Variants in DPYS observed in about 807,000 individuals in gnomAD.
The protein encoded by DPYS is dihydropyrimidine amidohydrolase.
A neutral mutation model predicts 50.3 loss-of-function variants in DPYS; 39 were observed. The observed-to-expected ratio is 0.78, with a 90% CI of 0.60 to 1.01. The LOEUF is 1.01. Among genes scored for constraint, DPYS ranks in the 50% least tolerant of loss-of-function variants. The pLI is 0.00. For missense variants in DPYS, 659 were observed against 680.9 expected (o/e 0.97, Z 0.36); for synonymous variants, 245 against 250.7 (o/e 0.98, Z 0.22).
intron 1 of DPYS, among the ~76,000 whole-genome samples, chr8:104,453,587 A>G (rs1255896097): frequency 6.6e-6 from 1 of 152,234 alleles, no homozygotes; most frequent in Admixed American, 6.5e-5. Flanking sequence ...CTAGATACAC[A>G]GCTGGTGGGA....
chr8:104,452,581 C>T (rs1813783844), intron 1 of DPYS, among the ~76,000 whole-genome samples: 1 of 152,190 alleles, frequency 6.6e-6, no homozygotes, highest in Non-Finnish European at 1.5e-5. Flanking sequence ...CTTGGCCATG[C>T]CTGTAATCTC....
intron 7 of DPYS, among the ~76,000 whole-genome samples, chr8:104,403,661 C>T (rs1448135396): frequency 6.6e-6 from 1 of 152,152 alleles, no homozygotes; most frequent in Non-Finnish European, 1.5e-5. Flanking sequence ...CCCTCCATCC[C>T]TACTGAGGGA....
rs117090381 is a variant in DPYS, at chr8:104,397,856, T to C, written c.1236-4865A>G. Among the ~76,000 whole-genome samples, 495 of 152,336 alleles carry C rather than the reference T, an allele frequency of 3.2e-3. 5 individuals carry two copies. Among genetic ancestry groups the C allele is most frequent in the East Asian group, 0.03 (153 of 5,186 alleles). On this transcript the variant is annotated intron_variant, in intron 7 of 9. Coordinates refer to ENST00000351513, the MANE Select transcript of DPYS (RefSeq NM_001385.3). ...TACTGTTATATTTGTAACCCTGCCATCAGAAAGTTTTAAAAATTGTGGTAC... is the reference window on the plus strand; with the variant it reads ...TACTGTTATATTTGTAACCCTGCCACCAGAAAGTTTTAAAAATTGTGGTAC...
intron 6 of DPYS, 138 bp from the exon 7 acceptor site, chr8:104,424,527 G>T: frequency 1.1e-6 from 1 of 900,502 alleles, no homozygotes; most frequent in Non-Finnish European, 1.7e-6. Context: ...GAGGATGCTG[G>T]TAAGTATTAA....
At chr8:104,451,452 T>C in intron 1 of DPYS, 48 bp from the exon 2 acceptor site, 2 of 1,611,092 alleles carry the variant, frequency 1.2e-6, no homozygotes, top group Non-Finnish European at 1.7e-6. Context: ...ATTTCCTAGT[T>C]AAGTCATTTA....
intron 9 of DPYS, chr8:104,380,546 A>C (rs916654462): frequency 6.5e-6 from 1 of 153,228 alleles, no homozygotes; most frequent in Non-Finnish European, 1.5e-5. Flanking sequence ...ACCAGAAGAC[A>C]ACTGAAGAAA....
intron 6 of DPYS, among the ~76,000 whole-genome samples, chr8:104,425,439 C>T (rs1373370692): frequency 1.3e-5 from 2 of 151,490 alleles, no homozygotes; most frequent in Non-Finnish European, 2.9e-5. Flanking sequence ...AACCTAATAG[C>T]TGGGACTACA....
intron 7 of DPYS, among the ~76,000 whole-genome samples, chr8:104,409,554 G>A (rs1373517886): frequency 6.6e-6 from 1 of 151,926 alleles, no homozygotes; most frequent in African/African-American, 2.4e-5. Flanking sequence ...GTATAAACAA[G>A]GATGAAACTG....
At position 104,415,792 on chromosome 8, in the gene DPYS, A is replaced by G. The variant is rs118085721; in HGVS notation, c.1235+8455T>C. Among the ~76,000 whole-genome samples the G allele has an allele frequency of 3.3e-5, 5 of 152,290 alleles. No individual in the cohort carries two copies. The East Asian group carries it at 9.7e-4, about 29-fold the overall frequency. On this transcript the variant is annotated intron_variant, in intron 7 of 9. Transcript: ENST00000351513. Reference sequence around the variant, plus strand: ...TAAAGGTGTGCAAGAAACCTGGGAGACAGAGTTTTTATATGAAATATAATT... The same window carrying G: ...TAAAGGTGTGCAAGAAACCTGGGAGGCAGAGTTTTTATATGAAATATAATT...
rs776533994 is a variant in DPYS at position 104,381,287 on chromosome 8, C to T, written c.1471G>A (p.Ala491Thr). Residue 491 changes from alanine (A) to threonine (T), a missense_variant, in exon 9 of 10, where the codon GCA becomes ACA. Physicochemically the swap from Ala to Thr is moderately conservative, Grantham distance 58. Coordinates refer to ENST00000351513, the MANE Select transcript of DPYS (RefSeq NM_001385.3). ...RTCTPTPVER[A>T]PYKGEVATLK... ...GTGGCGACTTCTCCCTTATAGGGTG[C>T]ACGCTCCACAGGGGTAGGTGTGCAA... 10 of 1,614,158 alleles carry T rather than the reference C, an allele frequency of 6.2e-6. No individual in the cohort carries two copies. The highest frequency in any genetic ancestry group is 6.8e-6 in the Non-Finnish European group (8 of 1,180,006).
chr8:104,403,894 T>C (rs577493416), intron 7 of DPYS, among the ~76,000 whole-genome samples: 1 of 152,306 alleles, frequency 6.6e-6, no homozygotes, highest in South Asian at 2.1e-4. Context: ...CTTCAAGTTC[T>C]GCAATCCTAA....
chr8:104,399,945 T>C (rs1811740223), intron 7 of DPYS, among the ~76,000 whole-genome samples: 1 of 151,130 alleles, frequency 6.6e-6, no homozygotes, highest in African/African-American at 2.4e-5. Context: ...TTAGGCATGG[T>C]TGTCTGCTTT....
At chr8:104,438,501 T>C (rs780626018) in intron 4 of DPYS, among the ~76,000 whole-genome samples, 16 of 152,106 alleles carry the variant, frequency 1.1e-4, no homozygotes, top group Non-Finnish European at 2.1e-4. Context: ...CACTTGGAAA[T>C]TGCTTCTCTG....
At chr8:104,385,389 T>C (rs540620674) in intron 8 of DPYS, among the ~76,000 whole-genome samples, 1 of 152,296 alleles carries the variant, frequency 6.6e-6, no homozygotes, top group Non-Finnish European at 1.5e-5. Flanking sequence ...CATCTAAAAT[T>C]ATTTGACAAC....
chr8:104,454,859 A>G (rs912055426), intron 1 of DPYS, among the ~76,000 whole-genome samples: 6 of 152,162 alleles, frequency 3.9e-5, no homozygotes, highest in African/African-American at 1.2e-4. Flanking sequence ...TACACGTGGA[A>G]GTTTCCAATT....
At chr8:104,425,609 C>T (rs1244894884) in intron 6 of DPYS, among the ~76,000 whole-genome samples, 1 of 151,972 alleles carries the variant, frequency 6.6e-6, no homozygotes, top group Non-Finnish European at 1.5e-5. Context: ...AGGCATAAGC[C>T]ACCACACCCA....
chr8:104,447,237 T>G, intron 3 of DPYS, 87 bp downstream of exon 3: 2 of 1,501,408 alleles, frequency 1.3e-6, no homozygotes, highest in Non-Finnish European at 1.8e-6. Context: ...ATGCATTAAA[T>G]GAGTTTACCT....
At position 104,428,100 on chromosome 8, in the gene DPYS, C is replaced by T. The variant is rs943175161; in HGVS notation, c.972G>A (p.Gly324=). 1.2e-6 allele frequency: 2 copies of T among 1,614,062 alleles called. No homozygotes were observed. The highest frequency in any genetic ancestry group is 1.7e-6 in the Non-Finnish European group (2 of 1,180,040). ...AGGTGTTGAAAGTGCAGTTATCAGT[C>T]CCTGTTGTGGTTAGATCATCACTGT... is the stretch of plus-strand genomic sequence containing the variant. The part of the protein sequence containing the change: ...LLANDDLTTT[G]TDNCTFNTCQ... Residue 324 remains glycine (G), a synonymous_variant, in exon 6 of 10, where the codon GGG becomes GGA. Coordinates refer to ENST00000351513, the MANE Select transcript of DPYS (RefSeq NM_001385.3).
intron 8 of DPYS, among the ~76,000 whole-genome samples, chr8:104,389,544 T>TA (rs1247953920): frequency 1.9e-5 from 2 of 105,494 alleles, no homozygotes; most frequent in Non-Finnish European, 3.6e-5. Context: ...CTTTTATTTT[T>TA]TTTTTTTTGT....
Sources: allele counts gnomAD v4.1 joint callset (sites outside exome capture counted in the v4.1 genomes callset), GRCh38; gene constraint gnomAD v4.1.1; transcripts MANE v1.5; gene names NCBI Gene and HGNC (gene_info 2026-07-23, HGNC 2026-07-21).